The following RPL12 variants were observed in gnomAD, a reference collection of about 807,000 sequenced individuals.
The protein encoded by RPL12 is ribosomal protein L12, also known as large ribosomal subunit protein uL11.
In RPL12, 10 loss-of-function variants were observed where a neutral mutation model predicts 24.5. The observed-to-expected ratio is 0.41, with a 90% confidence interval of 0.25 to 0.69. RPL12 has a LOEUF of 0.69. Ranked by LOEUF, RPL12 falls within the 30% of genes least tolerant of loss-of-function variation. The pLI is 0.33. For synonymous variants in RPL12, 74 were observed against 76.1 expected, an observed-to-expected ratio of 0.97 and a Z score of 0.14; for missense variants, 137 against 205.3, an observed-to-expected ratio of 0.67 and a Z score of 2.03.
At chr9:127,449,250 C>A (rs1834226576) in intron 4 of RPL12, 31 bp downstream of exon 4, 3 of 1,592,832 alleles carry the variant, frequency 1.9e-6, no homozygotes, top group Non-Finnish European at 2.6e-6. Context: ...CAAACCATTA[C>A]CAAAACCAAA....
At chr9:127,448,953 G>A (rs573478941) in intron 4 of RPL12, among the ~76,000 whole-genome samples, 21 of 151,772 alleles carry the variant, frequency 1.4e-4, no homozygotes, top group East Asian at 3.9e-4. Context: ...TGCCTCAGCC[G>A]TCTGAGTAGC....
chr9:127,448,749 C>G (rs1338110783), intron 4 of RPL12: 1 of 475,946 alleles, frequency 2.1e-6, no homozygotes, highest in Non-Finnish European at 4.0e-6. Context: ...TGTATGTGGT[C>G]TCCTGATTAT....
In RPL12 at chr9:127,449,696, C is replaced by CT. The variant is rs1564243527; in HGVS notation, c.123dup (p.Val42SerfsTer3). The CT allele has an allele frequency of 1.9e-6, 3 of 1,613,448 alleles. No homozygotes were observed. Among genetic ancestry groups the CT allele is most frequent in the Non-Finnish European group, 1.7e-6 (2 of 1,179,892 alleles). ...GTTGCCTTGGCAATGTCATCACCAA[C>CT]TTTTTTTGGAGACTAGAAATAAAGG... On this transcript the variant is annotated frameshift_variant, in exon 3 of 7. Coordinates refer to ENST00000361436, the MANE Select transcript of RPL12 (RefSeq NM_000976.4). LOFTEE classifies it high-confidence loss of function.
rs759019940 is a variant in RPL12, at chr9:127,448,443, A to C, written c.293-20T>G. ...GTTTAACTGCAGAAGAGGAAACAGC[A>C]AAAGCTCTTTTAAAGTCTGAAGCCA... is the stretch of plus-strand genomic sequence containing the variant. On this transcript the variant is annotated intron_variant, in intron 4 of 6. Transcript: ENST00000361436. 2 of 1,543,172 alleles carry C rather than the reference A, an allele frequency of 1.3e-6. No individual in the cohort carries two copies. The highest frequency in any genetic ancestry group is 3.3e-5 in the Admixed American group (2 of 59,950).
At chr9:127,449,196 GTTTCCTTT>G in intron 4 of RPL12, 77 bp downstream of exon 4, 1 of 1,134,586 alleles carries the variant, frequency 8.8e-7, no homozygotes, top group Non-Finnish European at 1.3e-6. Context: ...TCAACCCCAG[GTTTCCTTT>G]AAGGGAAAAC....
Position 127,451,199 on chromosome 9 carries a change from C to T in RPL12, c.37+82G>A, listed in dbSNP as rs1462348111. 3.5e-5 allele frequency: 55 copies of T among 1,559,420 alleles called. No homozygotes were observed. In the East Asian group the frequency reaches 6.6e-4, roughly 19 times the overall value. ...TCTGGGAGGCAGCGGCTTTAAGAGC[C>T]CCATACGGGGAAAGCTTTGCACGCG... On this transcript the variant is annotated intron_variant, in intron 1 of 6. Coordinates refer to ENST00000361436, the MANE Select transcript of RPL12 (RefSeq NM_000976.4).
intron 1 of RPL12, chr9:127,451,041 A>G (rs1834295218): frequency 3.1e-6 from 2 of 650,486 alleles, no homozygotes; most frequent in Non-Finnish European, 5.2e-6. Flanking sequence ...GCCCGGAGAC[A>G]AGCCTTACCC....
chr9:127,451,374 A>T lies in RPL12; in HGVS notation c.-57T>A. On this transcript the variant is annotated 5_prime_UTR_variant, in exon 1 of 7. Coordinates refer to ENST00000361436, the MANE Select transcript of RPL12 (RefSeq NM_000976.4). The stretch of plus-strand genomic sequence containing the variant: ...ATTCGGGACGACCGAAGGAAGTTGC[A>T]CCTTGGCCTCCTCCGAGCCGAAAGC... 1.2e-6 allele frequency: 2 copies of T among 1,603,586 alleles called. No homozygotes were observed. The highest frequency in any genetic ancestry group is 1.7e-6 in the Non-Finnish European group (2 of 1,175,770).
Position 127,451,326 on chromosome 9 carries a change from C to G in RPL12, c.-9G>C. On this transcript the variant is annotated 5_prime_UTR_variant, in exon 1 of 7. Transcript: ENST00000361436. ...TCGAACTTCGGCGGCATGGTGGAGG[C>G]GGCTGGTGTCGGATGAACCCGGATT... 1 of 1,612,086 alleles carries G rather than the reference C, an allele frequency of 6.2e-7. No individual in the cohort carries two copies. Among genetic ancestry groups the G allele is most frequent in the Non-Finnish European group, 8.5e-7 (1 of 1,179,904 alleles).
At chr9:127,448,779 C>A in intron 4 of RPL12, 1 of 413,150 alleles carries the variant, frequency 2.4e-6, no homozygotes, top group Admixed American at 3.3e-5. Context: ...TTGCTGACAT[C>A]TTCCTCCCAC....
At chr9:127,450,379 C>T (rs1490736769) in intron 2 of RPL12, 1 of 230,654 alleles carries the variant, frequency 4.3e-6, no homozygotes, top group African/African-American at 2.3e-5. Context: ...TTCACCCACA[C>T]CCCGTTTAAT....
In RPL12 at chr9:127,447,683, T is replaced by A. The variant is rs1470313775; in HGVS notation, c.*38A>T. 1 of 1,612,850 alleles carries A rather than the reference T, an allele frequency of 6.2e-7. No homozygotes were observed. Among genetic ancestry groups the A allele is most frequent in the Non-Finnish European group, 8.5e-7 (1 of 1,179,470 alleles). On this transcript the variant is annotated 3_prime_UTR_variant, in exon 7 of 7. Coordinates refer to ENST00000361436, the MANE Select transcript of RPL12 (RefSeq NM_000976.4). ...ACGCCACACCAGAAAATCCACCAGTTGTCAAATGATCCTTTATTGAAATGT... is the reference window on the plus strand; with the variant it reads ...ACGCCACACCAGAAAATCCACCAGTAGTCAAATGATCCTTTATTGAAATGT...
Position 127,449,327 on chromosome 9 carries a change from G to C in RPL12, c.246C>G (p.Ile82Met), listed in dbSNP as rs1588083901. The change falls in exon 4 of 7, where the codon ATC (isoleucine) becomes ATG (methionine). Residue 82 changes from isoleucine to methionine, a missense_variant. Ile to Met is a conservative substitution (Grantham distance 10). Around this residue, in one of 3 missense-constraint regions of RPL12, gnomAD observed 118 missense variants for 160.7 expected, o/e 0.73. Transcript: ENST00000361436. ...EVVPSASALI[I>M]KALKEPPRDR... The stretch of plus-strand genomic sequence containing the variant: ...CTCTTGGTGGTTCCTTGAGGGCTTT[G>C]ATGATCAGGGCAGAGGCAGAAGGCA... The C allele has an allele frequency of 1.2e-6, 2 of 1,611,338 alleles. No homozygotes were observed. Among genetic ancestry groups the C allele is most frequent in the East Asian group, 2.2e-5 (1 of 44,868 alleles).
intron 4 of RPL12, chr9:127,448,651 C>G: frequency 2.7e-6 from 2 of 739,574 alleles, no homozygotes; most frequent in Non-Finnish European, 5.0e-6. Context: ...CAAAACCAAG[C>G]CTTCACAAAT....
intron 1 of RPL12, 75 bp downstream of exon 1, chr9:127,451,206 G>A (rs1030368928): frequency 1.9e-6 from 3 of 1,577,724 alleles, no homozygotes; most frequent in Non-Finnish European, 2.6e-6. Flanking sequence ...AGCCCCATAC[G>A]GGGAAAGCTT....
intron 5 of RPL12, 121 bp from the exon 6 acceptor site, chr9:127,448,110 T>C: frequency 8.1e-7 from 1 of 1,228,890 alleles, no homozygotes; most frequent in East Asian, 2.5e-5. Flanking sequence ...CCTGCTCCCC[T>C]AATATAGAAT....
chr9:127,451,234 C>G (rs762072180), intron 1 of RPL12, 47 bp downstream of exon 1: 22 of 1,604,636 alleles, frequency 1.4e-5, no homozygotes, highest in Non-Finnish European at 1.7e-5. Flanking sequence ...GCGGCAGGGC[C>G]GAGGGATGCT....
intron 1 of RPL12, 183 bp downstream of exon 1, chr9:127,451,098 T>TC: frequency 2.5e-6 from 2 of 803,734 alleles, no homozygotes; most frequent in East Asian, 5.5e-5. Flanking sequence ...CAGTCCTCCC[T>TC]CCCCACCTAC....
In RPL12 at chr9:127,449,928, T is replaced by A. The variant is rs1223350753; in HGVS notation, c.112-220A>T. On this transcript the variant is annotated intron_variant, in intron 2 of 6. Coordinates refer to ENST00000361436, the MANE Select transcript of RPL12 (RefSeq NM_000976.4). ...TGGCCACAATGTAACCTAGACCCCC[T>A]CCTAAGTGCCCATGTGCTTAAGGAG... 4 of 543,712 alleles carry A rather than the reference T, an allele frequency of 7.4e-6. No individual in the cohort carries two copies. In the African/African-American group the frequency reaches 7.6e-5, roughly 10 times the overall value. 33.7% of individuals were successfully genotyped at this position (543,712 alleles called of 1,614,324 possible).
Sources: allele counts gnomAD v4.1 joint callset (sites outside exome capture counted in the v4.1 genomes callset), GRCh38; gene constraint gnomAD v4.1.1; regional missense constraint gnomAD v4.1.1; transcripts MANE v1.5; gene names NCBI Gene and HGNC (gene_info 2026-07-23, HGNC 2026-07-21).